The following STX8 variants were observed in gnomAD, a reference collection of about 807,000 sequenced individuals.
STX8 encodes the protein syntaxin 8, also known as syntaxin-8.
Under a neutral mutation model 37.5 loss-of-function variants are expected in STX8, and 23 were observed. The observed-to-expected ratio is 0.61, with a 90% CI of 0.44 to 0.87. The LOEUF (loss-of-function observed/expected upper bound fraction) is 0.87, where lower values mean the gene tolerates loss of function less well. STX8 is among the 40% of genes least tolerant of loss of function. The probability of loss-of-function intolerance (pLI) is 0.00; values close to 1 mark genes in which losing one functional copy is unlikely to be tolerated. For missense variants in STX8, 313 were observed against 284.7 expected, an observed-to-expected ratio of 1.10 and a Z score of -0.71; for synonymous variants, 115 against 99.1, an observed-to-expected ratio of 1.16 and a Z score of -0.95.
At chr17:9,432,973 T>A (rs756825580) in intron 6 of STX8, among the ~76,000 whole-genome samples, 4 of 152,350 alleles carry the variant, frequency 2.6e-5, no homozygotes, top group South Asian at 4.1e-4. Flanking sequence ...GAGAAGAAAG[T>A]TGAACTGGTT....
intron 6 of STX8, among the ~76,000 whole-genome samples, chr17:9,401,447 C>T (rs188130458): frequency 3.3e-5 from 5 of 152,164 alleles, no homozygotes; most frequent in Admixed American, 2.0e-4. Flanking sequence ...CCTGTCAATC[C>T]GGAAAAATAT....
rs58448972 is a variant in STX8 at position 9,363,183 on chromosome 17, G to A, written c.643+15369C>T. ...CATCCAGTGGCAAAATACATATAAT[G>A]TAAAATTAACCATCTGAGGCCAGGG... On this transcript the variant is annotated intron_variant, in intron 7 of 7. Coordinates refer to ENST00000306357, the MANE Select transcript of STX8 (RefSeq NM_004853.3). 3.0e-3 allele frequency among the ~76,000 whole-genome samples: 460 copies of A among 152,244 alleles called. 5 individuals are homozygous for A. Among genetic ancestry groups the A allele is most frequent in the African/African-American group, 0.011 (439 of 41,530 alleles).
chr17:9,510,774 G>A (rs1287749527), intron 4 of STX8, among the ~76,000 whole-genome samples: 1 of 151,144 alleles, frequency 6.6e-6, no homozygotes, highest in Non-Finnish European at 1.5e-5. Context: ...GATCAGAGGA[G>A]AAATAAATGA....
intron 6 of STX8, among the ~76,000 whole-genome samples, chr17:9,403,892 C>T (rs370328690): frequency 5.1e-4 from 78 of 152,112 alleles, no homozygotes; most frequent in African/African-American, 1.6e-3. Context: ...ATGATCTGCC[C>T]GCCTCGGCCT....
chr17:9,522,813 A>G (rs909495392), intron 4 of STX8, among the ~76,000 whole-genome samples: 3 of 152,076 alleles, frequency 2.0e-5, no homozygotes, highest in Non-Finnish European at 4.4e-5. Context: ...GTTAAGGGAG[A>G]CAGGGAACAG....
chr17:9,559,760 A>ATATATATATATATAT, intron 2 of STX8, among the ~76,000 whole-genome samples: 4 of 24,496 alleles, frequency 1.6e-4, no homozygotes, highest in Non-Finnish European at 6.2e-5. Flanking sequence ...ATATATATAT[A>ATATATATATATATAT]TTTTTTTTTT....
chr17:9,386,747 C>G (rs1912027768), intron 6 of STX8, among the ~76,000 whole-genome samples: 1 of 152,174 alleles, frequency 6.6e-6, no homozygotes, highest in South Asian at 2.1e-4. Context: ...CATGGAAACT[C>G]ATGAGAAAAT....
At chr17:9,329,273 T>G (rs1387912508) in intron 7 of STX8, among the ~76,000 whole-genome samples, 1 of 152,076 alleles carries the variant, frequency 6.6e-6, no homozygotes, top group Non-Finnish European at 1.5e-5. Flanking sequence ...GAAATTACTT[T>G]CACCTCCTTT....
chr17:9,458,537 A>G (rs192113690), intron 6 of STX8, among the ~76,000 whole-genome samples: 246 of 152,364 alleles, frequency 1.6e-3, no homozygotes, highest in African/African-American at 5.6e-3. Context: ...TAAGTTTTTA[A>G]AATAATTCAA....
intron 6 of STX8, among the ~76,000 whole-genome samples, chr17:9,384,123 GTTA>G (rs1459574210): frequency 1.6e-5 from 2 of 128,444 alleles, no homozygotes; most frequent in African/African-American, 6.8e-5. Flanking sequence ...ACCCTCATTT[GTTA>G]TTTTTTTTTT....
At chr17:9,395,264 T>C (rs1454734254) in intron 6 of STX8, among the ~76,000 whole-genome samples, 4 of 152,148 alleles carry the variant, frequency 2.6e-5, no homozygotes, top group African/African-American at 9.7e-5. Flanking sequence ...TAATTTAATG[T>C]TGAAGACAAT....
At chr17:9,415,438 G>A (rs1369359299) in intron 6 of STX8, among the ~76,000 whole-genome samples, 1 of 152,020 alleles carries the variant, frequency 6.6e-6, no homozygotes, top group East Asian at 1.9e-4. Flanking sequence ...ACATACTCTA[G>A]TGAACCCATC....
At chr17:9,319,735 G>A (rs986601721) in intron 7 of STX8, among the ~76,000 whole-genome samples, 2 of 151,768 alleles carry the variant, frequency 1.3e-5, no homozygotes, top group African/African-American at 2.4e-5. Context: ...GGTAGATCAC[G>A]AGGTCAGGAG....
At chr17:9,529,998 C>T (rs1389677594) in intron 4 of STX8, among the ~76,000 whole-genome samples, 4 of 151,756 alleles carry the variant, frequency 2.6e-5, no homozygotes, top group African/African-American at 9.7e-5. Flanking sequence ...CTCTAAAAAA[C>T]AAAACAAAAC....
intron 7 of STX8, among the ~76,000 whole-genome samples, chr17:9,290,447 C>T (rs1340015350): frequency 6.6e-6 from 1 of 152,190 alleles, no homozygotes; most frequent in Non-Finnish European, 1.5e-5. Context: ...CTCCTCTTGG[C>T]TGCTCAGCAA....
chr17:9,297,363 C>T (rs1908600755), intron 7 of STX8, among the ~76,000 whole-genome samples: 1 of 152,116 alleles, frequency 6.6e-6, no homozygotes, highest in Non-Finnish European at 1.5e-5. Context: ...CCCTTCCTGC[C>T]ACTCCCACTT....
chr17:9,451,295 A>C (rs1905032641), intron 6 of STX8, among the ~76,000 whole-genome samples: 1 of 152,112 alleles, frequency 6.6e-6, no homozygotes, highest in Non-Finnish European at 1.5e-5. Flanking sequence ...AGTCAATGCC[A>C]TTTCGTCTCA....
At chr17:9,330,796 G>C (rs892000372) in intron 7 of STX8, among the ~76,000 whole-genome samples, 1 of 152,166 alleles carries the variant, frequency 6.6e-6, no homozygotes, top group East Asian at 1.9e-4. Context: ...TGCAGCTTGC[G>C]CGTAATGGGC....
intron 6 of STX8, among the ~76,000 whole-genome samples, chr17:9,418,912 CT>C (rs1170091776): frequency 6.3e-5 from 8 of 127,866 alleles, no homozygotes; most frequent in South Asian, 5.7e-4. Context: ...ACCCCCCCCT[CT>C]TTTTTTTTCT....
Sources: allele counts gnomAD v4.1 joint callset (sites outside exome capture counted in the v4.1 genomes callset), GRCh38; gene constraint gnomAD v4.1.1; transcripts MANE v1.5; gene names NCBI Gene and HGNC (gene_info 2026-07-23, HGNC 2026-07-21).